The following PKD2 variants were observed in gnomAD, a reference collection of about 807,000 sequenced individuals.
The protein encoded by PKD2 is polycystin-2.
PKD2 carries 48 observed loss-of-function variants against 105.9 expected under a neutral mutation model. The observed-to-expected ratio is 0.45, with a 90% CI of 0.36 to 0.58. The LOEUF is 0.58. Among genes scored for constraint, PKD2 ranks in the 20% least tolerant of loss-of-function variants. PKD2 has a pLI of 0.00. For synonymous variants in PKD2, 464 were observed against 481.1 expected, an observed-to-expected ratio of 0.96 and a Z score of 0.46; for missense variants, 1,078 against 1,255.3, an observed-to-expected ratio of 0.86 and a Z score of 2.13.
intron 2 of PKD2, among the ~76,000 whole-genome samples, chr4:88,033,178 G>T (rs950236730): frequency 5.3e-5 from 8 of 152,090 alleles, no homozygotes; most frequent in African/African-American, 1.9e-4. Context: ...CGTAATCCCA[G>T]CACTTTGGGA....
chr4:88,061,262 G>C (rs1215462549), intron 9 of PKD2, among the ~76,000 whole-genome samples: 22 of 152,128 alleles, frequency 1.4e-4, no homozygotes, highest in Admixed American at 1.4e-3. Context: ...TAAATATAGA[G>C]AACATAGATA....
chr4:88,063,302 C>CAT (rs1244321702), intron 10 of PKD2, among the ~76,000 whole-genome samples: 2 of 152,086 alleles, frequency 1.3e-5, no homozygotes, highest in East Asian at 1.9e-4. Context: ...GAGGCCAAGG[C>CAT]GGATGGATCA....
intron 7 of PKD2, among the ~76,000 whole-genome samples, chr4:88,055,830 C>T (rs1220906198): frequency 6.6e-6 from 1 of 152,136 alleles, no homozygotes; most frequent in Non-Finnish European, 1.5e-5. Flanking sequence ...TCCCAATTCC[C>T]CCAGTCCCTG....
chr4:88,010,956 G>A (rs1726362605), intron 1 of PKD2, among the ~76,000 whole-genome samples: 1 of 152,180 alleles, frequency 6.6e-6, no homozygotes, highest in African/African-American at 2.4e-5. Context: ...ATATTAGGAA[G>A]GAGTTGAAAG....
rs144390370 is a variant in PKD2 at position 88,046,713 on chromosome 4, G to A, written c.1391G>A (p.Arg464Gln). Reference protein sequence around the residue: ...SWQFQPLKLIRYVTTFDFFLA... With the variant: ...SWQFQPLKLIQYVTTFDFFLA... Reference sequence around the variant, plus strand: ...CAATTTCAGCCTTTAAAGCTGATCCGATATGTCACAACTTTTGATTTCTTC... The same window carrying A: ...CAATTTCAGCCTTTAAAGCTGATCCAATATGTCACAACTTTTGATTTCTTC... Residue 464 changes from arginine (R) to glutamine (Q), a missense_variant, in exon 6 of 15, where the codon CGA (arginine) becomes CAA (glutamine). This residue lies in a region of PKD2 where 868 missense variants were observed against 1,067.3 expected (regional missense o/e 0.81). Coordinates refer to ENST00000237596, the MANE Select transcript of PKD2 (RefSeq NM_000297.4). The A allele has an allele frequency of 1.6e-5, 26 of 1,613,562 alleles. No individual in the cohort carries two copies. Among genetic ancestry groups the A allele is most frequent in the East Asian group, 2.2e-5 (1 of 44,874 alleles).
chr4:88,067,015 T>A (rs1423561013), intron 12 of PKD2, among the ~76,000 whole-genome samples: 2 of 152,192 alleles, frequency 1.3e-5, no homozygotes, highest in Non-Finnish European at 2.9e-5. Context: ...GACAAAGTTC[T>A]TATTCTGACA....
Position 88,052,093 on chromosome 4 carries a change from C to G in PKD2, c.1651C>G (p.Leu551Val). 6.2e-7 allele frequency: 1 copy of G among 1,607,956 alleles called. No individual in the cohort carries two copies. The highest frequency in any genetic ancestry group is 8.5e-7 in the Non-Finnish European group (1 of 1,174,606). ...DQNTFPNFEHLAYWQIQFNNI... is the reference protein window; with the variant it reads ...DQNTFPNFEHVAYWQIQFNNI... ...AAATACTTTCCCCAACTTTGAGCAT[C>G]TGGCATATTGGCAGATACAGTTCAA... The change falls in exon 7 of 15, where the codon CTG becomes GTG. Residue 551 changes from leucine (L) to valine (V), a missense_variant. Leu to Val is a conservative substitution (Grantham distance 32, BLOSUM62 1). This residue lies in a region of PKD2 where 868 missense variants were observed against 1,067.3 expected (regional missense o/e 0.81). Coordinates refer to ENST00000237596, the MANE Select transcript of PKD2 (RefSeq NM_000297.4).
In PKD2 at chr4:88,008,047, G is replaced by A; in HGVS notation, c.314G>A (p.Gly105Glu). ...GAGGAGGAGGAGGAGGAGGTGGAAG[G>A]GGAAGAAGGCGGAATGGTGGTGGAG... ...EAEEEEEEVE[G>E]EEGGMVVEMD... Residue 105 changes from glycine (G) to glutamate (E), a missense_variant, in exon 1 of 15, where the codon GGG becomes GAG. Coordinates refer to ENST00000237596, the MANE Select transcript of PKD2 (RefSeq NM_000297.4). The A allele has an allele frequency of 6.6e-7, 1 of 1,521,740 alleles. No individual in the cohort carries two copies. The allele number at this position is 1,521,740 out of a possible 1,614,324, so 94.3% of individuals were successfully genotyped here. A position where few individuals can be genotyped will look rare whatever the true frequency, so the allele number is the denominator to read the frequency against.
At chr4:88,066,993 A>C (rs1720819061) in intron 12 of PKD2, among the ~76,000 whole-genome samples, 2 of 152,198 alleles carry the variant, frequency 1.3e-5, no homozygotes, top group African/African-American at 4.8e-5. Context: ...AATTTTTACA[A>C]GGCTCTATTT....
intron 10 of PKD2, among the ~76,000 whole-genome samples, chr4:88,063,209 T>C (rs991382258): frequency 2.0e-5 from 3 of 152,226 alleles, no homozygotes; most frequent in African/African-American, 7.2e-5. Flanking sequence ...TGCTTCCTTG[T>C]GTTCCAGTAA....
At chr4:88,049,378 G>C (rs1727892638) in intron 6 of PKD2, among the ~76,000 whole-genome samples, 1 of 152,238 alleles carries the variant, frequency 6.6e-6, no homozygotes, top group Non-Finnish European at 1.5e-5. Flanking sequence ...CCAATAGGAA[G>C]AAAGGCAATG....
In PKD2 at chr4:88,067,702, A is replaced by C. The variant is rs144707808; in HGVS notation, c.2359-196A>C. Among the ~76,000 whole-genome samples the C allele has an allele frequency of 2.9e-3, 443 of 152,310 alleles. 1 individual carries two copies. Among genetic ancestry groups the C allele is most frequent in the Middle Eastern group, 0.014 (4 of 294 alleles). Reference sequence around the variant, plus strand: ...AATGTTCTTTCTTGTTCAAACAAAAAGTTGGCTATTCCTTGCTGTTAGTTA... The same window carrying C: ...AATGTTCTTTCTTGTTCAAACAAAACGTTGGCTATTCCTTGCTGTTAGTTA... On this transcript the variant is annotated intron_variant, in intron 12 of 14. Transcript: ENST00000237596.
At chr4:88,042,526 T>C (rs1228702434) in intron 4 of PKD2, among the ~76,000 whole-genome samples, 1 of 152,182 alleles carries the variant, frequency 6.6e-6, no homozygotes, top group East Asian at 1.9e-4. Context: ...CCTACTCACC[T>C]TTCATGGTTC....
At position 88,076,079 on chromosome 4, in the gene PKD2, T is replaced by C. The variant is rs1306123966; in HGVS notation, c.*385T>C. The C allele has an allele frequency of 1.7e-5, 4 of 228,888 alleles. No homozygotes were observed. Among genetic ancestry groups the C allele is most frequent in the Non-Finnish European group, 3.5e-5 (4 of 115,268 alleles). The allele number at this position is 228,888 out of a possible 1,614,324, so 14.2% of individuals were successfully genotyped here. A position where few individuals can be genotyped will look rare whatever the true frequency, so the allele number is the denominator to read the frequency against. ...ACAAAAATCAGTATTGTTATTTTTT[T>C]CCAAGAGTGTGAAGGAAAATGGGGC... On this transcript the variant is annotated 3_prime_UTR_variant, in exon 15 of 15. Transcript: ENST00000237596.
chr4:88,052,826 C>T (rs1039840043), intron 7 of PKD2, among the ~76,000 whole-genome samples: 2 of 152,058 alleles, frequency 1.3e-5, no homozygotes, highest in Admixed American at 6.6e-5. Context: ...AGAGTTGCTG[C>T]ACTTGGAAAT....
intron 4 of PKD2, among the ~76,000 whole-genome samples, chr4:88,039,342 T>TATA (rs1372332711): frequency 6.6e-6 from 1 of 152,130 alleles, no homozygotes; most frequent in Non-Finnish European, 1.5e-5. Context: ...ACACTCTATT[T>TATA]AATACCAGAA....
intron 7 of PKD2, among the ~76,000 whole-genome samples, chr4:88,053,453 C>T (rs1272070120): frequency 6.6e-6 from 1 of 152,020 alleles, no homozygotes; most frequent in East Asian, 1.9e-4. Flanking sequence ...GCCCAGGAGT[C>T]TGATACCAGC....
chr4:88,075,124 C>T (rs1194205690), intron 14 of PKD2, among the ~76,000 whole-genome samples, 165 bp downstream of exon 14: 2 of 152,056 alleles, frequency 1.3e-5, no homozygotes, highest in Non-Finnish European at 2.9e-5. Flanking sequence ...AGATTTTTTT[C>T]TCTGAAACAG....
chr4:88,008,238 G>A lies in PKD2; in HGVS notation c.505G>A (p.Gly169Ser). The change falls in exon 1 of 15, where the codon GGC becomes AGC. Residue 169 changes from glycine (G) to serine (S), a missense_variant. This residue lies in a region of PKD2 where 868 missense variants were observed against 1,067.3 expected (regional missense o/e 0.81). Transcript: ENST00000237596. ...GGGCCCGCCGTGCCCCAGCCCAGTC[G>A]GCGGCGGGGACCCGCTGCATCGCCA... Reference protein sequence around the residue: ...DQGPPCPSPVGGGDPLHRHLP... With the variant: ...DQGPPCPSPVSGGDPLHRHLP... 2 of 1,449,600 alleles carry A rather than the reference G, an allele frequency of 1.4e-6. No individual in the cohort carries two copies. The highest frequency in any genetic ancestry group is 1.4e-5 in the South Asian group (1 of 73,524). The allele number at this position is 1,449,600 out of a possible 1,614,324, so 89.8% of individuals were successfully genotyped here.
Sources: gnomAD v4.1 joint callset for allele counts (sites outside exome capture counted in the v4.1 genomes callset) on GRCh38, gnomAD v4.1.1 for gene constraint, gnomAD v4.1.1 regional missense constraint, MANE v1.5 for transcripts, NCBI Gene and HGNC (gene_info 2026-07-23, HGNC 2026-07-21) for gene names.